SHISA9: variants seen among roughly 807,000 people sequenced by gnomAD.
SHISA9 encodes protein shisa-9.
In SHISA9, 13 loss-of-function variants were observed where a neutral mutation model predicts 38.0. The observed-to-expected ratio is 0.34, with a 90% CI of 0.22 to 0.54. The LOEUF (loss-of-function observed/expected upper bound fraction) is 0.54, where lower values mean the gene tolerates loss of function less well. SHISA9 is among the 20% of genes least tolerant of loss of function. The pLI is 0.91. For synonymous variants in SHISA9, 275 were observed against 242.0 expected (o/e 1.14, Z -1.27); for missense variants, 538 against 575.8 (o/e 0.93, Z 0.67).
At chr16:13,031,484 CA>C (rs2072990660) in intron 2 of SHISA9, among the ~76,000 whole-genome samples, 1 of 152,168 alleles carries the variant, frequency 6.6e-6, no homozygotes, top group Non-Finnish European at 1.5e-5. Context: ...GCTTATATTT[CA>C]GTGCAAGATC....
intron 2 of SHISA9, among the ~76,000 whole-genome samples, chr16:13,074,004 C>G (rs2073551313): frequency 1.7e-5 from 2 of 120,406 alleles, no homozygotes; most frequent in South Asian, 6.2e-4. Context: ...GAGTCTTGTT[C>G]TGTTGCCCAG....
the SHISA9 span, among the ~76,000 whole-genome samples, chr16:13,352,477 C>T: frequency 3.9e-5 from 6 of 152,046 alleles, no homozygotes; most frequent in East Asian, 7.8e-4. Context: ...GAGATGGGAG[C>T]GTAGCTATAT....
chr16:12,960,252 G>T (rs1596550933), intron 2 of SHISA9, among the ~76,000 whole-genome samples: 2 of 152,060 alleles, frequency 1.3e-5, no homozygotes. Context: ...GTAGTGCCAG[G>T]TACAGGCAAT....
At chr16:13,453,402 C>G in the SHISA9 span, among the ~76,000 whole-genome samples, 145 of 152,294 alleles carry the variant, frequency 9.5e-4, 1 homozygote, top group African/African-American at 3.4e-3. Flanking sequence ...TAAGATAAGA[C>G]AATCACAAAC....
chr16:13,539,318 AAAGACAGGATC>A, the SHISA9 span, among the ~76,000 whole-genome samples: 684 of 69,684 alleles, frequency 9.8e-3, 62 homozygotes, highest in South Asian at 0.013. Flanking sequence ...ATATATATAT[AAAGACAGGATC>A]TTTATATATA....
At chr16:12,977,973 T>A (rs1028417796) in intron 2 of SHISA9, among the ~76,000 whole-genome samples, 2 of 151,672 alleles carry the variant, frequency 1.3e-5, no homozygotes, top group Non-Finnish European at 2.9e-5. Flanking sequence ...CCTTGGAACT[T>A]AAAATTTTAA....
the SHISA9 span, among the ~76,000 whole-genome samples, chr16:13,275,179 T>C: frequency 6.6e-6 from 1 of 152,136 alleles, no homozygotes; most frequent in Admixed American, 6.6e-5. Flanking sequence ...CACTCTACAT[T>C]GTTTCTCTTA....
At position 13,238,256 on chromosome 16, in the gene SHISA9, G is replaced by A. The variant is rs1023792786; in HGVS notation, c.*2847G>A. ...AGATGGACCAAAAAGTAAATGAAAGGGGAATCATTTCCTATGCAAGTCAGT... is the reference window on the plus strand; with the variant it reads ...AGATGGACCAAAAAGTAAATGAAAGAGGAATCATTTCCTATGCAAGTCAGT... On this transcript the variant is annotated 3_prime_UTR_variant, in exon 5 of 5. Transcript: ENST00000558583. 1 of 152,114 alleles carries A rather than the reference G, an allele frequency of 6.6e-6. No homozygotes were observed. Among genetic ancestry groups the A allele is most frequent in the Non-Finnish European group, 1.5e-5 (1 of 68,026 alleles). The allele number at this position is 152,114 out of a possible 1,614,324, so 9.4% of individuals were successfully genotyped here.
intron 2 of SHISA9, among the ~76,000 whole-genome samples, chr16:13,187,276 G>C (rs544550328): frequency 6.6e-6 from 1 of 151,422 alleles, no homozygotes; most frequent in African/African-American, 2.4e-5. Context: ...AACTTCTCAG[G>C]AGGTAGGATT....
At chr16:13,465,785 A>C in the SHISA9 span, among the ~76,000 whole-genome samples, 35 of 152,246 alleles carry the variant, frequency 2.3e-4, no homozygotes, top group Non-Finnish European at 5.1e-4. Flanking sequence ...AAGCTGCTGC[A>C]ACGATTTAGT....
the SHISA9 span, among the ~76,000 whole-genome samples, chr16:13,249,784 A>G: frequency 6.6e-6 from 1 of 152,090 alleles, no homozygotes; most frequent in Non-Finnish European, 1.5e-5. Context: ...CACCCAAGCT[A>G]GAGTGCAGTG....
At position 13,001,303 on chromosome 16, in the gene SHISA9, C is replaced by T. The variant is rs564969254; in HGVS notation, c.691+84488C>T. 1.1e-4 allele frequency among the ~76,000 whole-genome samples: 16 copies of T among 152,272 alleles called. No individual in the cohort carries two copies. The East Asian group carries it at 2.9e-3, about 28-fold the overall frequency. On this transcript the variant is annotated intron_variant, in intron 2 of 4. Transcript: ENST00000558583. ...TCCAGATCGCCACAATAATTAGGGG[C>T]AGGCAGGGTCCGGGGACCTGCTCCT... is the stretch of plus-strand genomic sequence containing the variant.
intron 2 of SHISA9, among the ~76,000 whole-genome samples, chr16:12,968,789 G>C (rs1289522718): frequency 6.6e-6 from 1 of 152,138 alleles, no homozygotes; most frequent in African/African-American, 2.4e-5. Flanking sequence ...ACCCAACTCT[G>C]CCACTGTGGT....
At chr16:13,101,679 T>A (rs1304071162) in intron 2 of SHISA9, among the ~76,000 whole-genome samples, 1 of 152,216 alleles carries the variant, frequency 6.6e-6, no homozygotes, top group Admixed American at 6.5e-5. Context: ...TAGTTTTATT[T>A]CTAATTTTTT....
At chr16:13,519,109 GA>G in the SHISA9 span, among the ~76,000 whole-genome samples, 8 of 151,864 alleles carry the variant, frequency 5.3e-5, no homozygotes, top group South Asian at 2.1e-4. Flanking sequence ...AAAAGAGAAA[GA>G]AAAAAACCTC....
At chr16:13,150,313 C>T (rs1490882382) in intron 2 of SHISA9, among the ~76,000 whole-genome samples, 1 of 152,090 alleles carries the variant, frequency 6.6e-6, no homozygotes, top group East Asian at 1.9e-4. Flanking sequence ...AGAGGAAGCT[C>T]AAATGCCACT....
intron 2 of SHISA9, among the ~76,000 whole-genome samples, chr16:12,962,491 A>G (rs1317332437): frequency 1.3e-5 from 2 of 152,234 alleles, no homozygotes; most frequent in Non-Finnish European, 2.9e-5. Flanking sequence ...GGAGATAATT[A>G]GAGTTAGATT....
At chr16:13,140,158 C>CCCCTCCCCTT (rs2050389077) in intron 2 of SHISA9, among the ~76,000 whole-genome samples, 1 of 99,072 alleles carries the variant, frequency 1.0e-5, no homozygotes, top group African/African-American at 4.2e-5. Context: ...CCCCTCCCCT[C>CCCCTCCCCTT]CCCTCCCCTC....
chr16:13,454,343 G>T, the SHISA9 span, among the ~76,000 whole-genome samples: 9 of 152,184 alleles, frequency 5.9e-5, no homozygotes, highest in African/African-American at 1.7e-4. Flanking sequence ...GGCAGAGTAG[G>T]AGAAGCACTT....
Sources: allele counts gnomAD v4.1 joint callset (sites outside exome capture counted in the v4.1 genomes callset), GRCh38; gene constraint gnomAD v4.1.1; transcripts MANE v1.5; gene names NCBI Gene and HGNC (gene_info 2026-07-23, HGNC 2026-07-21).